Variants in LRRFIP2 observed in about 807,000 individuals in gnomAD.
The protein encoded by LRRFIP2 is LRR binding FLII interacting protein 2.
Under a neutral mutation model 125.9 loss-of-function variants are expected in LRRFIP2, and 109 were observed. The ratio of observed to expected loss-of-function variants is 0.87; its 90% CI spans 0.74 to 1.01. LRRFIP2 has a LOEUF of 1.01. Among genes scored for constraint, LRRFIP2 ranks in the 50% least tolerant of loss-of-function variants. LRRFIP2 has a pLI of 0.00. For synonymous variants in LRRFIP2, 291 were observed against 293.1 expected, an observed-to-expected ratio of 0.99 and a Z score of 0.07; for missense variants, 850 against 862.3, an observed-to-expected ratio of 0.99 and a Z score of 0.18.
chr3:37,127,830 T>A (rs2095324331), intron 3 of LRRFIP2, 150 bp from the exon 4 acceptor site: 2 of 649,362 alleles, frequency 3.1e-6, no homozygotes, highest in Non-Finnish European at 5.5e-6. Context: ...GTAAGCTAAA[T>A]ATGTTCAATA....
At chr3:37,108,601 C>A (rs1408840918) in intron 12 of LRRFIP2, 36 bp downstream of exon 12, 3 of 1,554,766 alleles carry the variant, frequency 1.9e-6, no homozygotes, top group Non-Finnish European at 2.6e-6. Flanking sequence ...ACCCACATTT[C>A]CCTCCTCTTC....
intron 2 of LRRFIP2, among the ~76,000 whole-genome samples, chr3:37,132,137 T>G (rs1391896432): frequency 6.9e-6 from 1 of 144,300 alleles, no homozygotes; most frequent in African/African-American, 2.5e-5. Context: ...CTTATTAGAG[T>G]TTTTTTTTTT....
At chr3:37,150,388 G>A (rs6808826) in intron 1 of LRRFIP2, among the ~76,000 whole-genome samples, 6,230 of 152,230 alleles carry the variant, frequency 0.041, 195 homozygotes, top group African/African-American at 0.076. Context: ...CTTGAACCTG[G>A]GAGACAGAGG....
At chr3:37,119,958 G>T in intron 6 of LRRFIP2, among the ~76,000 whole-genome samples, 1 of 151,914 alleles carries the variant, frequency 6.6e-6, no homozygotes, top group East Asian at 1.9e-4. Context: ...CACCGCTCCC[G>T]GCCTTTTCAA....
At chr3:37,144,154 C>T (rs749922702) in intron 2 of LRRFIP2, among the ~76,000 whole-genome samples, 1 of 152,216 alleles carries the variant, frequency 6.6e-6, no homozygotes, top group African/African-American at 2.4e-5. Context: ...CTCATAGCTA[C>T]ATCGACTCCA....
At chr3:37,116,122 T>C (rs1036541463) in intron 6 of LRRFIP2, among the ~76,000 whole-genome samples, 16 of 152,146 alleles carry the variant, frequency 1.1e-4, no homozygotes, top group Non-Finnish European at 2.2e-4. Flanking sequence ...ATCAACTTAG[T>C]AGGGTCAACC....
intron 3 of LRRFIP2, among the ~76,000 whole-genome samples, chr3:37,128,160 T>G (rs372645930): frequency 3.9e-5 from 6 of 152,296 alleles, no homozygotes; most frequent in African/African-American, 1.4e-4. Context: ...AAAAGAAAAT[T>G]AGCAACATGT....
At chr3:37,132,955 G>A (rs2095466547) in intron 2 of LRRFIP2, among the ~76,000 whole-genome samples, 1 of 152,214 alleles carries the variant, frequency 6.6e-6, no homozygotes, top group South Asian at 2.1e-4. Context: ...TGGGCGTGGT[G>A]GCTCACGCCT....
chr3:37,117,440 C>T (rs775391095), intron 6 of LRRFIP2, among the ~76,000 whole-genome samples: 2 of 151,640 alleles, frequency 1.3e-5, no homozygotes, highest in Non-Finnish European at 2.9e-5. Flanking sequence ...GAACAATGGG[C>T]AAACAAAAAA....
At chr3:37,057,534 CTT>C (rs58257408) in intron 25 of LRRFIP2, among the ~76,000 whole-genome samples, 68 of 144,758 alleles carry the variant, frequency 4.7e-4, no homozygotes, top group Non-Finnish European at 5.6e-4. Flanking sequence ...AGTCTTTTCT[CTT>C]TTTTTTTTTT....
rs1305345997 is a variant in LRRFIP2, at chr3:37,053,750, A to G, written c.*101T>C. 4.2e-6 allele frequency: 3 copies of G among 720,536 alleles called. No homozygotes were observed. The highest frequency in any genetic ancestry group is 7.4e-6 in the Non-Finnish European group (3 of 404,652). The allele number at this position is 720,536 out of a possible 1,614,324, so 44.6% of individuals were successfully genotyped here. A position where few individuals can be genotyped will look rare whatever the true frequency, so the allele number is the denominator to read the frequency against. On this transcript the variant is annotated 3_prime_UTR_variant, in exon 28 of 28. Transcript: ENST00000336686. ...TACAAAGGTGGCTGTTTTAATGACA[A>G]AACTCAAAACAGTACTAAAAGGGGT...
intron 8 of LRRFIP2, 139 bp downstream of exon 8, chr3:37,112,776 A>G (rs2094598901): frequency 1.9e-6 from 1 of 521,840 alleles, no homozygotes; most frequent in African/African-American, 1.9e-5. Flanking sequence ...AAACAAAATT[A>G]TTTTTAAATT....
intron 4 of LRRFIP2, among the ~76,000 whole-genome samples, chr3:37,121,909 A>G (rs1288606330): frequency 2.1e-5 from 3 of 143,218 alleles, no homozygotes; most frequent in African/African-American, 7.8e-5. Flanking sequence ...TAGCAGTACT[A>G]GTTTTCTTTC....
At position 37,111,068 on chromosome 3, in the gene LRRFIP2, G is replaced by T. The variant is rs1420344604; in HGVS notation, c.439-3C>A. The T allele has an allele frequency of 6.2e-7, 1 of 1,612,188 alleles. No homozygotes were observed. Among genetic ancestry groups the T allele is most frequent in the Non-Finnish European group, 8.5e-7 (1 of 1,178,868 alleles). On this transcript the variant is annotated splice_polypyrimidine_tract_variant and splice_region_variant and intron_variant, in intron 8 of 27. Coordinates refer to ENST00000336686, the MANE Select transcript of LRRFIP2 (RefSeq NM_006309.4). Reference sequence around the variant, plus strand: ...CTCTGGTCAAAGTAGAGGCCACTCTGCAAAAAGCAAAATTAAACACATTTT... The same window carrying T: ...CTCTGGTCAAAGTAGAGGCCACTCTTCAAAAAGCAAAATTAAACACATTTT...
intron 7 of LRRFIP2, among the ~76,000 whole-genome samples, chr3:37,113,904 A>G (rs2149465723): frequency 6.6e-6 from 1 of 152,278 alleles, no homozygotes; most frequent in South Asian, 2.1e-4. Context: ...CCAAGTACAT[A>G]TGGGGAAATT....
chr3:37,161,383 AGTATTGACTC>A (rs2096340666), intron 1 of LRRFIP2, among the ~76,000 whole-genome samples: 1 of 152,116 alleles, frequency 6.6e-6, no homozygotes, highest in African/African-American at 2.4e-5. Flanking sequence ...AAAGGAATAA[AGTATTGACTC>A]GTGCTACATA....
chr3:37,064,088 C>A, intron 23 of LRRFIP2: 1 of 338,168 alleles, frequency 3.0e-6, no homozygotes, highest in Non-Finnish European at 5.5e-6. Context: ...TTCCTTGTTT[C>A]AAGCTTTCAC....
intron 2 of LRRFIP2, among the ~76,000 whole-genome samples, chr3:37,147,147 C>G (rs2095875327): frequency 6.6e-6 from 1 of 152,060 alleles, no homozygotes; most frequent in Non-Finnish European, 1.5e-5. Context: ...CAAATCAAAA[C>G]CACAATGAGA....
At chr3:37,167,063 G>A (rs2096507680) in intron 1 of LRRFIP2, among the ~76,000 whole-genome samples, 1 of 151,822 alleles carries the variant, frequency 6.6e-6, no homozygotes, top group Admixed American at 6.6e-5. Flanking sequence ...TGAACATGGT[G>A]GTACATGCCT....
Sources: gnomAD v4.1 joint callset for allele counts (sites outside exome capture counted in the v4.1 genomes callset) on GRCh38, gnomAD v4.1.1 for gene constraint, MANE v1.5 for transcripts, NCBI Gene and HGNC (gene_info 2026-07-23, HGNC 2026-07-21) for gene names.